EIF4E: variants seen among roughly 807,000 people sequenced by gnomAD.
EIF4E encodes eukaryotic translation initiation factor 4E.
For missense variants in EIF4E, 113 were observed against 265.6 expected, an observed-to-expected ratio of 0.43 and a Z score of 3.99; for synonymous variants, 71 against 88.5, an observed-to-expected ratio of 0.80 and a Z score of 1.11.
intron 6 of EIF4E, among the ~76,000 whole-genome samples, chr4:98,881,706 T>C (rs1485668058): frequency 1.3e-5 from 2 of 152,166 alleles, no homozygotes; most frequent in Admixed American, 1.3e-4. Flanking sequence ...CTAAACACTT[T>C]GAGGGAGATT....
chr4:98,915,329 C>T (rs975594572), intron 1 of EIF4E, among the ~76,000 whole-genome samples: 5 of 151,702 alleles, frequency 3.3e-5, no homozygotes, highest in Non-Finnish European at 7.4e-5. Context: ...AAGAGAAGTT[C>T]ACAAACAAGT....
chr4:98,910,102 T>C (rs1012142662), intron 1 of EIF4E: 3 of 219,718 alleles, frequency 1.4e-5, no homozygotes, highest in African/African-American at 4.6e-5. Context: ...GTTTTTAGCT[T>C]TCAAACATCT....
At chr4:98,916,602 T>C (rs991578538) in intron 1 of EIF4E, among the ~76,000 whole-genome samples, 2 of 152,016 alleles carry the variant, frequency 1.3e-5, no homozygotes, top group Non-Finnish European at 2.9e-5. Flanking sequence ...ATCTACAAAT[T>C]ATAGGGAGTG....
chr4:98,892,200 G>A (rs750846138), intron 2 of EIF4E, among the ~76,000 whole-genome samples: 4 of 151,352 alleles, frequency 2.6e-5, no homozygotes, highest in Non-Finnish European at 4.4e-5. Flanking sequence ...TACAAAACTA[G>A]CCAGGCATGG....
chr4:98,929,072 T>G (rs1553934895), intron 1 of EIF4E, 23 bp downstream of exon 1: 4 of 1,577,592 alleles, frequency 2.5e-6, no homozygotes, highest in Non-Finnish European at 2.6e-6. Context: ...CCCGTGGGGG[T>G]GGGGGCCAAA....
chr4:98,910,045 T>A (rs1725048818), intron 1 of EIF4E: 1 of 311,340 alleles, frequency 3.2e-6, no homozygotes, highest in Non-Finnish European at 5.8e-6. Flanking sequence ...AAATAAAAAA[T>A]TTGGTGAAAA....
At chr4:98,883,743 GA>G (rs1186496590) in intron 6 of EIF4E, among the ~76,000 whole-genome samples, 1 of 151,358 alleles carries the variant, frequency 6.6e-6, no homozygotes, top group Non-Finnish European at 1.5e-5. Flanking sequence ...AGAAATCTTA[GA>G]AAAAAAATGT....
Position 98,881,099 on chromosome 4 carries a change from T to C in EIF4E, c.583A>G (p.Ile195Val), listed in dbSNP as rs967400435. 12 of 1,612,000 alleles carry C rather than the reference T, an allele frequency of 7.4e-6. No homozygotes were observed. The highest frequency in any genetic ancestry group is 8.5e-6 in the Non-Finnish European group (10 of 1,179,336). ...GTGTCTGCGTGGGACTGATAACCAA[T>C]CACTATCTTTGGAGGAAGTCCTAAC... The part of the protein sequence containing the change: ...ERLGLPPKIV[I>V]GYQSHADTAT... The change falls in exon 7 of 7, where the codon ATT (isoleucine) becomes GTT (valine). Residue 195 changes from isoleucine to valine, a missense_variant. Ile to Val is a conservative substitution (Grantham distance 29). Coordinates refer to ENST00000450253, the MANE Select transcript of EIF4E (RefSeq NM_001968.5).
intron 1 of EIF4E, among the ~76,000 whole-genome samples, chr4:98,902,626 C>T (rs1423519813): frequency 6.6e-6 from 1 of 151,992 alleles, no homozygotes. Flanking sequence ...AACATACCAT[C>T]ATATTAAGAT....
chr4:98,914,064 T>TA (rs796734767), intron 1 of EIF4E, among the ~76,000 whole-genome samples: 81 of 138,268 alleles, frequency 5.9e-4, no homozygotes, highest in Middle Eastern at 3.6e-3. Context: ...AATGAGCACT[T>TA]AAAAAAAAAA....
rs541339191 is a variant in EIF4E, at chr4:98,927,641, C to G, written c.18+1454G>C. Among the ~76,000 whole-genome samples the G allele has an allele frequency of 7.0e-5, 5 of 71,168 alleles. No homozygotes were observed. In the South Asian group the frequency reaches 2.5e-3, roughly 36 times the overall value. The allele number at this position is 71,168 out of a possible 152,430, so 46.7% of individuals were successfully genotyped here. On this transcript the variant is annotated intron_variant, in intron 1 of 6. Transcript: ENST00000450253. ...CTGCACTCCAGCCTGGGCGACAAAG[C>G]AAGACTCCATCTCAAAAAAAAAAAA...
intron 1 of EIF4E, among the ~76,000 whole-genome samples, chr4:98,928,685 C>G (rs998064971): frequency 6.6e-6 from 1 of 152,166 alleles, no homozygotes; most frequent in African/African-American, 2.4e-5. Context: ...CCTCCTCCAT[C>G]TCACTCCAGG....
At chr4:98,928,963 G>A (rs754193952) in intron 1 of EIF4E, 132 bp downstream of exon 1, 3 of 1,578,178 alleles carry the variant, frequency 1.9e-6, no homozygotes, top group Non-Finnish European at 2.6e-6. Flanking sequence ...CGGGAGGTCA[G>A]GTCCAACATG....
chr4:98,896,335 G>A (rs756044370), intron 2 of EIF4E, among the ~76,000 whole-genome samples: 3 of 151,682 alleles, frequency 2.0e-5, no homozygotes, highest in Non-Finnish European at 4.4e-5. Context: ...TCATGCCACT[G>A]CACGCCAACG....
intron 6 of EIF4E, among the ~76,000 whole-genome samples, chr4:98,884,219 T>C (rs1483121140): frequency 6.6e-6 from 1 of 152,130 alleles, no homozygotes; most frequent in Non-Finnish European, 1.5e-5. Context: ...TTGCCAATAA[T>C]CACTGAATTA....
intron 3 of EIF4E, chr4:98,890,961 A>G (rs1724120074): frequency 4.3e-6 from 2 of 463,434 alleles, no homozygotes; most frequent in Non-Finnish European, 7.8e-6. Flanking sequence ...AACAAGTTCC[A>G]ACTAGCTGTC....
intron 2 of EIF4E, among the ~76,000 whole-genome samples, chr4:98,898,295 A>T (rs1235911933): frequency 6.6e-6 from 1 of 152,210 alleles, no homozygotes. Flanking sequence ...CAGCTATGAA[A>T]ATCCAGTTGA....
chr4:98,891,899 G>A (rs1724156672), intron 2 of EIF4E, among the ~76,000 whole-genome samples: 1 of 152,202 alleles, frequency 6.6e-6, no homozygotes, highest in Non-Finnish European at 1.5e-5. Context: ...AGATATGTAT[G>A]TTATGTCTAC....
At chr4:98,908,276 A>C (rs1473371011) in intron 1 of EIF4E, among the ~76,000 whole-genome samples, 2 of 152,160 alleles carry the variant, frequency 1.3e-5, no homozygotes, top group Admixed American at 1.3e-4. Context: ...CTGTTACCAC[A>C]CCTAAATAAT....
Sources: gnomAD v4.1 joint callset for allele counts (sites outside exome capture counted in the v4.1 genomes callset) on GRCh38, gnomAD v4.1.1 for gene constraint, MANE v1.5 for transcripts, NCBI Gene and HGNC (gene_info 2026-07-23, HGNC 2026-07-21) for gene names.